Variants in MARVELD2 observed in about 807,000 individuals in gnomAD.
The protein encoded by MARVELD2 is MARVEL domain-containing protein 2.
Under a neutral mutation model 57.6 loss-of-function variants are expected in MARVELD2, and 49 were observed. The observed-to-expected ratio is 0.85, with a 90% CI of 0.68 to 1.08. MARVELD2 has a LOEUF of 1.08. Ranked by LOEUF, MARVELD2 falls within the 50% of genes least tolerant of loss-of-function variation. MARVELD2 has a pLI of 0.00. For synonymous variants in MARVELD2, 238 were observed against 258.8 expected, an observed-to-expected ratio of 0.92 and a Z score of 0.77; for missense variants, 606 against 701.1, an observed-to-expected ratio of 0.86 and a Z score of 1.53.
chr5:69,423,685 C>G (rs1340947195), intron 2 of MARVELD2, among the ~76,000 whole-genome samples: 3 of 152,082 alleles, frequency 2.0e-5, no homozygotes, highest in Non-Finnish European at 4.4e-5. Flanking sequence ...GTTGCTCAGG[C>G]TGGTCTCAAA....
intron 5 of MARVELD2, among the ~76,000 whole-genome samples, chr5:69,437,954 A>T (rs996914968): frequency 1.3e-5 from 2 of 152,172 alleles, no homozygotes; most frequent in Admixed American, 6.5e-5. Flanking sequence ...GGTTATTATT[A>T]TCAGTGTATC....
rs36086491 is a variant in MARVELD2 at position 69,437,381 on chromosome 5, T to TA, written c.1504-3047dup. On this transcript the variant is annotated intron_variant, in intron 5 of 6. Coordinates refer to ENST00000325631, the MANE Select transcript of MARVELD2 (RefSeq NM_001038603.3). ...GGGCAACAAGAGCGAAACTCTGTCT[T>TA]AAAAAAAAAAAAAAAAAAAAAAGCT... Among the ~76,000 whole-genome samples, 548 of 100,080 alleles carry TA rather than the reference T, an allele frequency of 5.5e-3. 1 individual carries two copies. The highest frequency in any genetic ancestry group is 7.1e-3 in the Non-Finnish European group (370 of 52,308). The allele number at this position is 100,080 out of a possible 152,430, so 65.7% of individuals were successfully genotyped here. A position where few individuals can be genotyped will look rare whatever the true frequency, so the allele number is the denominator to read the frequency against.
chr5:69,440,590 T>C, intron 6 of MARVELD2, 90 bp downstream of exon 6: 1 of 786,638 alleles, frequency 1.3e-6, no homozygotes. Flanking sequence ...CTAAAATAGT[T>C]CCTTTTTGTA....
chr5:69,423,306 G>A (rs1346771495), intron 2 of MARVELD2, among the ~76,000 whole-genome samples: 1 of 152,134 alleles, frequency 6.6e-6, no homozygotes, highest in Non-Finnish European at 1.5e-5. Flanking sequence ...CACCCAGCCT[G>A]CAATACGGTG....
intron 3 of MARVELD2, 118 bp downstream of exon 3, chr5:69,424,754 G>A: frequency 2.4e-6 from 2 of 816,340 alleles, no homozygotes; most frequent in Admixed American, 4.1e-5. Flanking sequence ...GCCAGGTGTG[G>A]TGGCTCACAC....
In MARVELD2 at chr5:69,440,507, AAAACAGTTTTCTTC is replaced by A. The variant is rs1334221842; in HGVS notation, c.1554+12_1554+25del. On this transcript the variant is annotated splice_region_variant and intron_variant, in intron 6 of 6. Transcript: ENST00000325631. ...GTTTAAGAAAAAAAAGAATGTGAGT[AAAACAGTTTTCTTC>A]AAACTGTATTCTTATCCAAGTACAT... The A allele has an allele frequency of 4.2e-6, 6 of 1,414,300 alleles. No individual in the cohort carries two copies. In the African/African-American group the frequency reaches 7.0e-5, roughly 17 times the overall value. The allele number at this position is 1,414,300 out of a possible 1,614,324, so 87.6% of individuals were successfully genotyped here. A position where few individuals can be genotyped will look rare whatever the true frequency, so the allele number is the denominator to read the frequency against.
rs1472659271 is a variant in MARVELD2 at position 69,419,795 on chromosome 5, A to G, written c.410A>G (p.Tyr137Cys). The change falls in exon 2 of 7, where the codon TAC becomes TGC. Residue 137 changes from tyrosine to cysteine, a missense_variant. By Grantham distance (194) the Tyr-to-Cys change is radical (BLOSUM62 -2). Transcript: ENST00000325631. ...RSPLNSCKDP[Y>C]GGSEGTFSSR... is the part of the protein sequence containing the mutation. The stretch of plus-strand genomic sequence containing the variant: ...CCCCTCAACTCCTGCAAAGATCCCT[A>G]CGGAGGGTCAGAAGGAACCTTTAGT... The G allele has an allele frequency of 6.2e-7, 1 of 1,614,170 alleles. No homozygotes were observed. The highest frequency in any genetic ancestry group is 8.5e-7 in the Non-Finnish European group (1 of 1,180,038).
intron 3 of MARVELD2, among the ~76,000 whole-genome samples, chr5:69,430,604 G>A (rs1400548712): frequency 6.6e-6 from 1 of 151,936 alleles, no homozygotes; most frequent in Non-Finnish European, 1.5e-5. Context: ...CACAATCTCA[G>A]CTCCTTGCCA....
intron 3 of MARVELD2, among the ~76,000 whole-genome samples, chr5:69,430,664 G>T (rs1258529374): frequency 2.0e-5 from 3 of 151,782 alleles, no homozygotes; most frequent in Admixed American, 6.6e-5. Flanking sequence ...CTCCTGAGTA[G>T]CTGGGATTAC....
At chr5:69,440,412 A>G in intron 5 of MARVELD2, 38 bp from the exon 6 acceptor site, 1 of 1,035,538 alleles carries the variant, frequency 9.7e-7, no homozygotes, top group Non-Finnish European at 1.5e-6. Flanking sequence ...GAGTAAATGC[A>G]AATGTTTTAA....
rs1367683008 is a variant in MARVELD2 at position 69,435,896 on chromosome 5, CT to C, written c.1503+2807del. 2.0e-5 allele frequency among the ~76,000 whole-genome samples: 3 copies of C among 151,846 alleles called. No homozygotes were observed. In the South Asian group the frequency reaches 6.2e-4, roughly 32 times the overall value. ...CCTAGTTTGAACATTTCATATCAAT[CT>C]TTTGTGTCTGGCTTCTTCATTTTGC... is the stretch of plus-strand genomic sequence containing the variant. On this transcript the variant is annotated intron_variant, in intron 5 of 6. Transcript: ENST00000325631.
At position 69,420,270 on chromosome 5, in the gene MARVELD2, A is replaced by G; in HGVS notation, c.885A>G (p.Gly295=). 6.2e-7 allele frequency: 1 copy of G among 1,614,028 alleles called. No homozygotes were observed. Among genetic ancestry groups the G allele is most frequent in the Admixed American group, 1.7e-5 (1 of 59,986 alleles). Residue 295 remains glycine (G), a synonymous_variant, in exon 2 of 7, where the codon GGA becomes GGG. Coordinates refer to ENST00000325631, the MANE Select transcript of MARVELD2 (RefSeq NM_001038603.3). Reference sequence around the variant, plus strand: ...ATTGGTGGCCCCTAACTGAATTTGGAATTAACGTTGCCTTGTTTATTTTGT... The same window carrying G: ...ATTGGTGGCCCCTAACTGAATTTGGGATTAACGTTGCCTTGTTTATTTTGT... ...DSNWWPLTEF[G]INVALFILYM...
intron 1 of MARVELD2, among the ~76,000 whole-genome samples, chr5:69,416,817 C>G (rs902001779): frequency 2.0e-5 from 3 of 152,178 alleles, no homozygotes; most frequent in African/African-American, 7.2e-5. Context: ...TTTCAATGGC[C>G]TAGCCAGTCT....
In MARVELD2 at chr5:69,444,291, C is replaced by G. The variant is rs536740790; in HGVS notation, c.*2637C>G. 2.4e-4 allele frequency: 37 copies of G among 152,054 alleles called. No individual in the cohort carries two copies. The highest frequency in any genetic ancestry group is 8.7e-4 in the African/African-American group (36 of 41,428). The allele number at this position is 152,054 out of a possible 1,614,324, so 9.4% of individuals were successfully genotyped here. On this transcript the variant is annotated 3_prime_UTR_variant, in exon 7 of 7. Coordinates refer to ENST00000325631, the MANE Select transcript of MARVELD2 (RefSeq NM_001038603.3). ...GTGCATGTTCTTGAAAATATTTTCA[C>G]TTGTCAGAAAATAAACTGGAAAGTC...
chr5:69,439,868 G>A (rs968233806), intron 5 of MARVELD2, among the ~76,000 whole-genome samples: 15 of 152,074 alleles, frequency 9.9e-5, no homozygotes, highest in Non-Finnish European at 2.9e-5. Context: ...CTATAGTAAT[G>A]TGTTCCCTTT....
intron 3 of MARVELD2, among the ~76,000 whole-genome samples, chr5:69,426,139 T>A (rs559083580): frequency 6.6e-6 from 1 of 152,036 alleles, no homozygotes; most frequent in Admixed American, 6.6e-5. Context: ...TTATTTAACC[T>A]TTCTATGCCT....
chr5:69,424,518 G>A (rs1766724047), intron 2 of MARVELD2, 83 bp from the exon 3 acceptor site: 2 of 1,133,718 alleles, frequency 1.8e-6, no homozygotes, highest in Non-Finnish European at 1.3e-6. Flanking sequence ...ATTGAGGTTG[G>A]GCTATAAATG....
intron 3 of MARVELD2, 74 bp downstream of exon 3, chr5:69,424,710 A>G: frequency 8.5e-7 from 1 of 1,172,200 alleles, no homozygotes; most frequent in Non-Finnish European, 1.3e-6. Context: ...TTATCTACAT[A>G]GTAGTATCGT....
rs545578708 is a variant in MARVELD2 at position 69,433,976 on chromosome 5, T to G, written c.1503+883T>G. Among the ~76,000 whole-genome samples the G allele has an allele frequency of 2.0e-5, 3 of 152,240 alleles. No individual in the cohort carries two copies. The South Asian group carries it at 6.2e-4, about 32-fold the overall frequency. ...TTCTTACTTAAGTAAAATACGAATT[T>G]GCCTAAGATAGATACTGAGTCAGTC... is the stretch of plus-strand genomic sequence containing the variant. On this transcript the variant is annotated intron_variant, in intron 5 of 6. Coordinates refer to ENST00000325631, the MANE Select transcript of MARVELD2 (RefSeq NM_001038603.3).
Sources: allele counts gnomAD v4.1 joint callset (sites outside exome capture counted in the v4.1 genomes callset), GRCh38; gene constraint gnomAD v4.1.1; transcripts MANE v1.5; gene names NCBI Gene and HGNC (gene_info 2026-07-23, HGNC 2026-07-21).